FAR2: variants seen among roughly 807,000 people sequenced by gnomAD.
The protein encoded by FAR2 is fatty acyl-CoA reductase 2, also known as epididymis secretory protein Li 81.
A neutral mutation model predicts 56.0 loss-of-function variants in FAR2; 19 were observed. The ratio of observed to expected loss-of-function variants is 0.34; its 90% CI spans 0.24 to 0.50. The LOEUF is 0.50. Ranked by LOEUF, FAR2 falls within the 20% of genes least tolerant of loss-of-function variation. FAR2 has a pLI of 0.98. For synonymous variants in FAR2, 219 were observed against 218.8 expected (o/e 1.00, Z -0.01); for missense variants, 508 against 642.2 (o/e 0.79, Z 2.26).
chr12:29,203,383 G>A (rs1947438509), intron 1 of FAR2, among the ~76,000 whole-genome samples: 1 of 152,200 alleles, frequency 6.6e-6, no homozygotes, highest in South Asian at 2.1e-4. Context: ...TTGCAAAGAA[G>A]TATTACCTAG....
intron 1 of FAR2, among the ~76,000 whole-genome samples, chr12:29,213,689 C>CAAAAA (rs34410137): frequency 7.6e-6 from 1 of 130,740 alleles, no homozygotes; most frequent in African/African-American, 2.9e-5. Context: ...GACTCTGTCT[C>CAAAAA]AAAAAAAAAA....
intron 2 of FAR2, among the ~76,000 whole-genome samples, chr12:29,284,385 G>C (rs1213830531): frequency 6.6e-6 from 1 of 152,180 alleles, no homozygotes; most frequent in Non-Finnish European, 1.5e-5. Flanking sequence ...TTTAGAGAGG[G>C]ACTATCTTGA....
At chr12:29,278,293 A>T (rs1191256480) in intron 2 of FAR2, among the ~76,000 whole-genome samples, 3 of 151,794 alleles carry the variant, frequency 2.0e-5, no homozygotes, top group African/African-American at 7.3e-5. Flanking sequence ...ATTTATACAA[A>T]TTTTCAGTAG....
At chr12:29,241,641 T>C (rs1416698091) in intron 1 of FAR2, among the ~76,000 whole-genome samples, 1 of 152,244 alleles carries the variant, frequency 6.6e-6, no homozygotes, top group Non-Finnish European at 1.5e-5. Context: ...TGCTGAGTTC[T>C]TTTTAAAAGA....
chr12:29,334,598 A>C lies in FAR2; in HGVS notation c.*804A>C, dbSNP rs1168352211. ...AGTCTCCTTCTTCTAAAAGTTGCCA[A>C]ACCCTTTATATTTAAGCTTTTTCCA... On this transcript the variant is annotated 3_prime_UTR_variant, in exon 12 of 12. Transcript: ENST00000536681. 2.6e-5 allele frequency: 4 copies of C among 152,274 alleles called. No individual in the cohort carries two copies. In the East Asian group the frequency reaches 7.7e-4, roughly 29 times the overall value. The allele number at this position is 152,274 out of a possible 1,614,324, so 9.4% of individuals were successfully genotyped here. A position where few individuals can be genotyped will look rare whatever the true frequency, so the allele number is the denominator to read the frequency against.
chr12:29,207,054 A>C (rs1007179987), intron 1 of FAR2, among the ~76,000 whole-genome samples: 9 of 152,066 alleles, frequency 5.9e-5, no homozygotes, highest in Non-Finnish European at 1.3e-4. Flanking sequence ...GGTGTGAGAG[A>C]AAAAAAGAGA....
chr12:29,238,197 C>T (rs1947969775), intron 1 of FAR2, among the ~76,000 whole-genome samples: 1 of 147,262 alleles, frequency 6.8e-6, no homozygotes, highest in Non-Finnish European at 1.5e-5. Context: ...TTTCCCACTA[C>T]ATATATGCGT....
At chr12:29,227,654 T>C (rs1947790126) in intron 1 of FAR2, among the ~76,000 whole-genome samples, 1 of 152,180 alleles carries the variant, frequency 6.6e-6, no homozygotes. Context: ...CTAGACAGAA[T>C]TGCCTTATTA....
intron 7 of FAR2, 29 bp downstream of exon 7, chr12:29,311,175 A>C: frequency 6.8e-7 from 1 of 1,478,324 alleles, no homozygotes; most frequent in Non-Finnish European, 9.5e-7. Context: ...GCTTTCAAAG[A>C]CTTCATGAGG....
At chr12:29,265,864 A>C (rs1948507193) in intron 1 of FAR2, among the ~76,000 whole-genome samples, 1 of 152,232 alleles carries the variant, frequency 6.6e-6, no homozygotes, top group African/African-American at 2.4e-5. Flanking sequence ...AGATCAGAAT[A>C]GACATTTCCC....
At chr12:29,211,006 AGTGTGTGTGTGTAT>A (rs1056290268) in intron 1 of FAR2, among the ~76,000 whole-genome samples, 2 of 151,626 alleles carry the variant, frequency 1.3e-5, no homozygotes, top group African/African-American at 4.8e-5. Context: ...TCATGCCTAT[AGTGTGTGTGTGTAT>A]GTGTGTGTGT....
chr12:29,217,872 C>G (rs1452164387), intron 1 of FAR2, among the ~76,000 whole-genome samples: 3 of 151,896 alleles, frequency 2.0e-5, no homozygotes, highest in African/African-American at 7.3e-5. Flanking sequence ...CAGGAAAGCT[C>G]TTTAAAATAA....
Position 29,324,329 on chromosome 12 carries a change from G to A in FAR2, c.1257+2405G>A, listed in dbSNP as rs911797839. On this transcript the variant is annotated intron_variant, in intron 10 of 11. Coordinates refer to ENST00000536681, the MANE Select transcript of FAR2 (RefSeq NM_001271783.2). ...ACCAAGATGGAAAACACTCTGCAGG[G>A]TATTATCCAGGAGAACTTCCCCAAT... Among the ~76,000 whole-genome samples the A allele has an allele frequency of 3.3e-5, 5 of 152,096 alleles. No individual in the cohort carries two copies. In the South Asian group the frequency reaches 1.0e-3, roughly 32 times the overall value.
intron 1 of FAR2, among the ~76,000 whole-genome samples, chr12:29,261,150 G>A (rs558601829): frequency 7.9e-5 from 12 of 152,146 alleles, no homozygotes; most frequent in Middle Eastern, 3.4e-3. Context: ...CTCACTAAAC[G>A]AACTAAATAA....
At chr12:29,286,981 C>G (rs761637863) in intron 2 of FAR2, among the ~76,000 whole-genome samples, 1 of 151,954 alleles carries the variant, frequency 6.6e-6, no homozygotes. Context: ...ACACAATGAC[C>G]CAGAGAGGTA....
At chr12:29,307,355 G>A (rs745608849) in intron 4 of FAR2, among the ~76,000 whole-genome samples, 18 of 152,192 alleles carry the variant, frequency 1.2e-4, no homozygotes, top group East Asian at 3.9e-4. Context: ...GCTATCATTC[G>A]TAATAAAGTA....
At chr12:29,283,292 C>T (rs1489913393) in intron 2 of FAR2, among the ~76,000 whole-genome samples, 1 of 152,106 alleles carries the variant, frequency 6.6e-6, no homozygotes, top group Non-Finnish European at 1.5e-5. Flanking sequence ...TTGTTGTGAT[C>T]TTGGATTACA....
At position 29,317,062 on chromosome 12, in the gene FAR2, A is replaced by C. The variant is rs762535388; in HGVS notation, c.1127+50A>C. On this transcript the variant is annotated intron_variant, in intron 9 of 11. Coordinates refer to ENST00000536681, the MANE Select transcript of FAR2 (RefSeq NM_001271783.2). Reference sequence around the variant, plus strand: ...GAGAGTGTCACTGCATGGGAGATTAAGGCCCCAAAATCTTTAGTGCTTCCT... The same window carrying C: ...GAGAGTGTCACTGCATGGGAGATTACGGCCCCAAAATCTTTAGTGCTTCCT... 3 of 1,545,182 alleles carry C rather than the reference A, an allele frequency of 1.9e-6. No homozygotes were observed. In the East Asian group the frequency reaches 6.8e-5, roughly 35 times the overall value.
intron 1 of FAR2, among the ~76,000 whole-genome samples, chr12:29,168,498 A>G (rs67048928): frequency 0.043 from 6,517 of 152,312 alleles, 214 homozygotes; most frequent in East Asian, 0.1. Flanking sequence ...CAAACTACCA[A>G]TAATCATAAT....
Sources: gnomAD v4.1 joint callset for allele counts (sites outside exome capture counted in the v4.1 genomes callset) on GRCh38, gnomAD v4.1.1 for gene constraint, MANE v1.5 for transcripts, NCBI Gene and HGNC (gene_info 2026-07-23, HGNC 2026-07-21) for gene names.